The following FHIT variants were observed in gnomAD, a reference collection of about 807,000 sequenced individuals.
FHIT encodes the protein bis(5'-adenosyl)-triphosphatase.
FHIT carries 19 observed loss-of-function variants against 17.9 expected under a neutral mutation model. The ratio of observed to expected loss-of-function variants is 1.06; its 90% confidence interval spans 0.74 to 1.56. The LOEUF is 1.56. Among genes scored for constraint, FHIT ranks in the 40% most tolerant of loss-of-function variants. The pLI, the probability that FHIT is intolerant of heterozygous loss-of-function variation, is 0.00. For synonymous variants in FHIT, 81 were observed against 69.7 expected (o/e 1.16, Z -0.81); for missense variants, 248 against 189.2 (o/e 1.31, Z -1.82).
intron 5 of FHIT, among the ~76,000 whole-genome samples, chr3:60,284,712 G>C (rs967531669): frequency 2.6e-5 from 4 of 151,950 alleles, no homozygotes; most frequent in African/African-American, 9.7e-5. Flanking sequence ...ACTTTTTAAA[G>C]AATTTCATGG....
chr3:60,830,350 A>G (rs2106812623), intron 3 of FHIT, among the ~76,000 whole-genome samples: 1 of 152,282 alleles, frequency 6.6e-6, no homozygotes, highest in Non-Finnish European at 1.5e-5. Context: ...AGTGGCTGAA[A>G]AGTTTAGCAT....
chr3:60,252,369 C>A (rs765126277), intron 5 of FHIT, among the ~76,000 whole-genome samples: 34 of 151,938 alleles, frequency 2.2e-4, no homozygotes, highest in Admixed American at 2.0e-3. Context: ...CATAGCGAAA[C>A]CCCGTCTCTA....
intron 3 of FHIT, among the ~76,000 whole-genome samples, chr3:60,918,676 T>A (rs528179335): frequency 6.6e-6 from 1 of 152,284 alleles, no homozygotes; most frequent in Non-Finnish European, 1.5e-5. Flanking sequence ...GGCAGACACA[T>A]AGATTATACC....
At chr3:59,785,947 C>T (rs749792412) in intron 8 of FHIT, among the ~76,000 whole-genome samples, 1 of 152,192 alleles carries the variant, frequency 6.6e-6, no homozygotes, top group African/African-American at 2.4e-5. Flanking sequence ...ACCTTCAACA[C>T]CCCGCTTAGA....
At chr3:60,427,489 G>C (rs1002538518) in intron 5 of FHIT, among the ~76,000 whole-genome samples, 1 of 152,102 alleles carries the variant, frequency 6.6e-6, no homozygotes, top group African/African-American at 2.4e-5. Flanking sequence ...AAAATGGTGA[G>C]ACAATAAATT....
intron 5 of FHIT, among the ~76,000 whole-genome samples, chr3:60,299,800 G>A (rs947544553): frequency 2.0e-5 from 3 of 152,104 alleles, no homozygotes; most frequent in Non-Finnish European, 4.4e-5. Context: ...GACGATAGTA[G>A]TTTTGGCTCC....
chr3:60,070,078 G>T (rs552602523), intron 5 of FHIT, among the ~76,000 whole-genome samples: 8 of 152,206 alleles, frequency 5.3e-5, no homozygotes, highest in African/African-American at 1.9e-4. Flanking sequence ...TCCCTCACAA[G>T]GTGTGGACCA....
chr3:60,678,552 A>G (rs538443401), intron 4 of FHIT, among the ~76,000 whole-genome samples: 9 of 152,270 alleles, frequency 5.9e-5, no homozygotes, highest in Non-Finnish European at 1.0e-4. Context: ...TTTTCCTGTA[A>G]GGAGTTACCA....
intron 4 of FHIT, among the ~76,000 whole-genome samples, chr3:60,552,071 G>A (rs916368221): frequency 6.6e-6 from 1 of 151,990 alleles, no homozygotes; most frequent in African/African-American, 2.4e-5. Context: ...ACATTCTATA[G>A]AAATGGAGTC....
chr3:60,056,442 C>T (rs1702085210), intron 5 of FHIT, among the ~76,000 whole-genome samples: 1 of 152,202 alleles, frequency 6.6e-6, no homozygotes, highest in Non-Finnish European at 1.5e-5. Flanking sequence ...CTATTGTTTG[C>T]AGTAAGTTTT....
At chr3:60,132,741 C>CTA in intron 5 of FHIT, among the ~76,000 whole-genome samples, 1 of 152,126 alleles carries the variant, frequency 6.6e-6, no homozygotes, top group African/African-American at 2.4e-5. Flanking sequence ...GGCTTATTGT[C>CTA]ATGCTGATTT....
chr3:60,329,057 C>G (rs1351033425), intron 5 of FHIT, among the ~76,000 whole-genome samples: 1 of 152,188 alleles, frequency 6.6e-6, no homozygotes, highest in African/African-American at 2.4e-5. Flanking sequence ...CTTAGCAAAG[C>G]CTTTTGAATT....
chr3:60,610,117 G>T (rs1475118981), intron 4 of FHIT, among the ~76,000 whole-genome samples: 2 of 152,018 alleles, frequency 1.3e-5, no homozygotes, highest in South Asian at 2.1e-4. Context: ...TTCTGCTTGT[G>T]TCAAAATTAT....
chr3:61,203,004 C>G (rs1363893546), intron 1 of FHIT, among the ~76,000 whole-genome samples: 1 of 151,938 alleles, frequency 6.6e-6, no homozygotes, highest in African/African-American at 2.4e-5. Flanking sequence ...TATGGTGAAA[C>G]CCCATCTCTA....
intron 7 of FHIT, among the ~76,000 whole-genome samples, chr3:59,930,179 ATCAATAC>A (rs1705897556): frequency 6.6e-6 from 1 of 152,188 alleles, no homozygotes; most frequent in South Asian, 2.1e-4. Context: ...CTGGGGAGAC[ATCAATAC>A]TCCAGCACTT....
intron 3 of FHIT, among the ~76,000 whole-genome samples, chr3:60,878,721 T>A (rs1324938582): frequency 7.9e-5 from 12 of 152,126 alleles, no homozygotes; most frequent in African/African-American, 2.9e-4. Context: ...TTCCCACCTA[T>A]GAGTGAGAAC....
At chr3:60,454,514 A>C (rs916174613) in intron 5 of FHIT, among the ~76,000 whole-genome samples, 1 of 151,596 alleles carries the variant, frequency 6.6e-6, no homozygotes. Flanking sequence ...CCTCTCGAGT[A>C]GCTGGGACTA....
intron 5 of FHIT, among the ~76,000 whole-genome samples, chr3:60,368,294 C>T (rs1700192935): frequency 6.6e-6 from 1 of 150,800 alleles, no homozygotes; most frequent in African/African-American, 2.4e-5. Flanking sequence ...GTTATTCCAT[C>T]ATCTTATTCA....
At chr3:60,375,524 G>A (rs1700516973) in intron 5 of FHIT, among the ~76,000 whole-genome samples, 1 of 152,088 alleles carries the variant, frequency 6.6e-6, no homozygotes, top group Non-Finnish European at 1.5e-5. Flanking sequence ...GCAGTGAGCA[G>A]AGATCACGCC....
Sources: allele counts gnomAD v4.1 joint callset (sites outside exome capture counted in the v4.1 genomes callset), GRCh38; gene constraint gnomAD v4.1.1; transcripts MANE v1.5; gene names NCBI Gene and HGNC (gene_info 2026-07-23, HGNC 2026-07-21).